Variants in AGBL4 observed in about 807,000 individuals in gnomAD.
AGBL4 encodes the protein AGBL carboxypeptidase 4, also known as cytosolic carboxypeptidase 6.
Under a neutral mutation model 66.4 loss-of-function variants are expected in AGBL4, and 58 were observed. The observed-to-expected ratio is 0.87, with a 90% CI of 0.71 to 1.09. The LOEUF (loss-of-function observed/expected upper bound fraction) is 1.09, where lower values mean the gene tolerates loss of function less well. Ranked by LOEUF, AGBL4 falls within the 50% of genes least tolerant of loss-of-function variation. AGBL4 has a pLI of 0.00. For missense variants in AGBL4, 579 were observed against 631.0 expected (o/e 0.92, Z 0.88); for synonymous variants, 234 against 222.9 (o/e 1.05, Z -0.44).
chr1:49,836,052 T>C (rs753264499), intron 2 of AGBL4, among the ~76,000 whole-genome samples: 47 of 152,090 alleles, frequency 3.1e-4, no homozygotes, highest in Non-Finnish European at 5.3e-4. Flanking sequence ...GACGATTATG[T>C]TTCTTGGGGT....
chr1:49,537,348 C>A (rs1177263825), intron 3 of AGBL4, among the ~76,000 whole-genome samples: 1 of 152,106 alleles, frequency 6.6e-6, no homozygotes, highest in African/African-American at 2.4e-5. Context: ...ACAGAGTGAA[C>A]AGACAGCCCA....
intron 3 of AGBL4, among the ~76,000 whole-genome samples, chr1:49,656,681 G>A (rs1206370239): frequency 6.6e-6 from 1 of 152,160 alleles, no homozygotes; most frequent in East Asian, 1.9e-4. Flanking sequence ...CTTCATCCCT[G>A]GGATGCAAGG....
chr1:48,654,814 T>C (rs969400835), intron 7 of AGBL4, among the ~76,000 whole-genome samples: 1 of 152,240 alleles, frequency 6.6e-6, no homozygotes, highest in African/African-American at 2.4e-5. Context: ...TGAAAGCCAG[T>C]TGGACATCAT....
intron 11 of AGBL4, among the ~76,000 whole-genome samples, chr1:48,546,559 C>T (rs1644163412): frequency 6.6e-6 from 1 of 152,164 alleles, no homozygotes; most frequent in African/African-American, 2.4e-5. Context: ...ATGTAGCTAA[C>T]CGCGTAGAGT....
chr1:49,658,117 C>A (rs577017242), intron 3 of AGBL4, among the ~76,000 whole-genome samples: 1 of 151,954 alleles, frequency 6.6e-6, no homozygotes, highest in Non-Finnish European at 1.5e-5. Context: ...ATCTGACAAA[C>A]GGCTAATCTC....
At chr1:48,628,460 G>C (rs555354293) in intron 9 of AGBL4, among the ~76,000 whole-genome samples, 1 of 152,034 alleles carries the variant, frequency 6.6e-6, no homozygotes, top group South Asian at 2.1e-4. Flanking sequence ...TTTTAGTCGT[G>C]ATATTTAATT....
chr1:49,389,011 C>T (rs547058959), intron 3 of AGBL4, among the ~76,000 whole-genome samples: 40 of 152,024 alleles, frequency 2.6e-4, no homozygotes, highest in Non-Finnish European at 4.9e-4. Context: ...CGCAAGAAAA[C>T]CATGAGATCA....
intron 1 of AGBL4, among the ~76,000 whole-genome samples, chr1:49,946,387 G>GTATCAA (rs1296032510): frequency 2.0e-5 from 3 of 151,818 alleles, no homozygotes; most frequent in Non-Finnish European, 4.4e-5. Context: ...AATAAAACTG[G>GTATCAA]TATCAACTCC....
chr1:49,235,997 GATTTATTT>G (rs3052026), intron 4 of AGBL4, among the ~76,000 whole-genome samples: 418 of 148,484 alleles, frequency 2.8e-3, no homozygotes, highest in African/African-American at 5.4e-3. Flanking sequence ...CATTTTGAAG[GATTTATTT>G]ATTTATTTAT....
intron 3 of AGBL4, among the ~76,000 whole-genome samples, chr1:49,254,903 G>A (rs539815010): frequency 1.3e-5 from 2 of 152,042 alleles, no homozygotes; most frequent in African/African-American, 2.4e-5. Flanking sequence ...ACAAAAACAC[G>A]CAATGGGGAA....
At chr1:49,081,810 T>C (rs1298637357) in intron 4 of AGBL4, among the ~76,000 whole-genome samples, 1 of 152,202 alleles carries the variant, frequency 6.6e-6, no homozygotes, top group Non-Finnish European at 1.5e-5. Context: ...CCCAATTCTG[T>C]TGCACTCTAA....
chr1:49,351,408 G>T (rs1315009726), intron 3 of AGBL4, among the ~76,000 whole-genome samples: 2 of 151,756 alleles, frequency 1.3e-5, no homozygotes, highest in African/African-American at 4.8e-5. Context: ...AGTGGAAAAT[G>T]ATCAAATATA....
At position 49,716,947 on chromosome 1, in the gene AGBL4, G is replaced by T. The variant is rs200173595; in HGVS notation, c.158-19510C>A. On this transcript the variant is annotated intron_variant, in intron 2 of 13. Coordinates refer to ENST00000371839, the MANE Select transcript of AGBL4 (RefSeq NM_032785.4). ...CTCCAGGGCAATCAGGCAAGAGAAAGAAATAAAGGTATTCAATTAGGAAAA... is the reference window on the plus strand; with the variant it reads ...CTCCAGGGCAATCAGGCAAGAGAAATAAATAAAGGTATTCAATTAGGAAAA... 7.2e-5 allele frequency among the ~76,000 whole-genome samples: 11 copies of T among 152,210 alleles called. No homozygotes were observed. In the East Asian group the frequency reaches 1.7e-3, roughly 24 times the overall value.
intron 11 of AGBL4, among the ~76,000 whole-genome samples, chr1:48,548,488 G>T (rs772484081): frequency 6.6e-6 from 1 of 152,110 alleles, no homozygotes. Context: ...CACCTTTTTC[G>T]TGGTAATGGC....
intron 3 of AGBL4, among the ~76,000 whole-genome samples, chr1:49,405,859 T>A (rs1191622141): frequency 6.6e-6 from 1 of 152,232 alleles, no homozygotes; most frequent in Non-Finnish European, 1.5e-5. Context: ...GCCATTTGTA[T>A]GGGAGTAGAG....
intron 1 of AGBL4, among the ~76,000 whole-genome samples, chr1:49,986,392 TAC>T (rs1659506834): frequency 6.6e-6 from 1 of 152,120 alleles, no homozygotes; most frequent in African/African-American, 2.4e-5. Flanking sequence ...TGTGAAGTAT[TAC>T]ATTGTAATAT....
At chr1:48,791,501 C>T (rs974711084) in intron 6 of AGBL4, among the ~76,000 whole-genome samples, 2 of 152,166 alleles carry the variant, frequency 1.3e-5, no homozygotes, top group Admixed American at 6.5e-5. Context: ...TGAGCCCAAC[C>T]CATTTTGGGG....
intron 2 of AGBL4, among the ~76,000 whole-genome samples, chr1:49,850,523 T>C (rs1053335265): frequency 2.4e-4 from 37 of 152,186 alleles, no homozygotes; most frequent in African/African-American, 8.9e-4. Context: ...CACTTCGTAG[T>C]ACTTTGTTAT....
intron 3 of AGBL4, among the ~76,000 whole-genome samples, chr1:49,270,558 A>G (rs995073565): frequency 6.6e-6 from 1 of 152,076 alleles, no homozygotes; most frequent in Non-Finnish European, 1.5e-5. Context: ...TCACAAATTC[A>G]TGGGTTACAT....
Sources: allele counts gnomAD v4.1 joint callset (sites outside exome capture counted in the v4.1 genomes callset), GRCh38; gene constraint gnomAD v4.1.1; transcripts MANE v1.5; gene names NCBI Gene and HGNC (gene_info 2026-07-23, HGNC 2026-07-21).